Variants in GULP1 observed in about 807,000 individuals in gnomAD.
The protein encoded by GULP1 is GULP PTB domain containing engulfment adaptor 1.
Under a neutral mutation model 40.9 loss-of-function variants are expected in GULP1, and 19 were observed. The observed-to-expected ratio is 0.46, with a 90% CI of 0.32 to 0.68. The LOEUF (loss-of-function observed/expected upper bound fraction) is 0.68, where lower values mean the gene tolerates loss of function less well. Among genes scored for constraint, GULP1 ranks in the 30% least tolerant of loss-of-function variants. The probability of loss-of-function intolerance (pLI) is 0.03; values close to 1 mark genes in which losing one functional copy is unlikely to be tolerated. For missense variants in GULP1, 312 were observed against 362.2 expected, an observed-to-expected ratio of 0.86 and a Z score of 1.12; for synonymous variants, 119 against 117.6, an observed-to-expected ratio of 1.01 and a Z score of -0.08.
rs973338161 is a variant in GULP1 at position 188,299,100 on chromosome 2, G to A, written c.-172+6934G>A. On this transcript the variant is annotated intron_variant, in intron 1 of 11. Transcript: ENST00000409830. Reference sequence around the variant, plus strand: ...CAGCAGGGGTATGAGCTGGAGTGGCGGGGTGAGAAGCTTTGGTGGGAAGGA... The same window carrying A: ...CAGCAGGGGTATGAGCTGGAGTGGCAGGGTGAGAAGCTTTGGTGGGAAGGA... Among the ~76,000 whole-genome samples the A allele has an allele frequency of 3.9e-4, 60 of 152,146 alleles. 1 individual carries two copies. Among genetic ancestry groups the A allele is most frequent in the African/African-American group, 1.3e-3 (56 of 41,512 alleles).
intron 2 of GULP1, among the ~76,000 whole-genome samples, chr2:188,477,134 A>C (rs1327060838): frequency 1.3e-5 from 2 of 152,072 alleles, no homozygotes; most frequent in Non-Finnish European, 2.9e-5. Context: ...ATATCTTCTG[A>C]GCTCAATATG....
At chr2:188,371,992 A>G (rs1211774465) in intron 1 of GULP1, among the ~76,000 whole-genome samples, 1 of 83,978 alleles carries the variant, frequency 1.2e-5, no homozygotes, top group Non-Finnish European at 2.2e-5. Context: ...TTTAAGAGGT[A>G]GCTACATCAT....
chr2:188,390,988 A>G (rs1049138054), intron 2 of GULP1, among the ~76,000 whole-genome samples: 2 of 152,012 alleles, frequency 1.3e-5, no homozygotes, highest in African/African-American at 4.8e-5. Context: ...GTTTACTTTT[A>G]TGCCAGTACC....
intron 2 of GULP1, among the ~76,000 whole-genome samples, chr2:188,389,752 C>G (rs1180583815): frequency 3.9e-5 from 6 of 151,976 alleles, no homozygotes; most frequent in Non-Finnish European, 8.8e-5. Flanking sequence ...GTTTTTTATT[C>G]CTCACCCAGT....
intron 2 of GULP1, among the ~76,000 whole-genome samples, chr2:188,426,262 G>T (rs1015663438): frequency 2.0e-5 from 3 of 152,168 alleles, no homozygotes; most frequent in Non-Finnish European, 4.4e-5. Flanking sequence ...AGCAGAAAGA[G>T]ATGCTTGAGT....
chr2:188,497,220 T>C (rs2062984646), intron 4 of GULP1, among the ~76,000 whole-genome samples: 1 of 152,070 alleles, frequency 6.6e-6, no homozygotes, highest in African/African-American at 2.4e-5. Context: ...CATCTTTAGC[T>C]TGAACTTTTG....
intron 2 of GULP1, among the ~76,000 whole-genome samples, chr2:188,427,453 C>G (rs1383083566): frequency 6.6e-6 from 1 of 152,190 alleles, no homozygotes; most frequent in East Asian, 1.9e-4. Flanking sequence ...GCATGGGGAC[C>G]TAGGAGAACT....
intron 4 of GULP1, among the ~76,000 whole-genome samples, chr2:188,513,108 A>G (rs1460887680): frequency 6.6e-6 from 1 of 152,112 alleles, no homozygotes; most frequent in East Asian, 1.9e-4. Context: ...TTTATGTTGA[A>G]TATAAAATTA....
intron 1 of GULP1, among the ~76,000 whole-genome samples, chr2:188,352,692 A>G (rs1386362947): frequency 1.3e-5 from 2 of 150,566 alleles, no homozygotes; most frequent in Non-Finnish European, 3.0e-5. Context: ...ACAGTCATAC[A>G]GCTTATAATA....
chr2:188,438,148 A>G (rs1223509562), intron 2 of GULP1, among the ~76,000 whole-genome samples: 1 of 152,134 alleles, frequency 6.6e-6, no homozygotes, highest in Non-Finnish European at 1.5e-5. Flanking sequence ...ATATACTTCT[A>G]TTGTGGTTTG....
chr2:188,428,234 C>T (rs1167981274), intron 2 of GULP1, among the ~76,000 whole-genome samples: 2 of 152,138 alleles, frequency 1.3e-5, no homozygotes, highest in Admixed American at 6.5e-5. Flanking sequence ...TTACAGGCTC[C>T]TAGGCAGAAG....
chr2:188,488,999 T>C (rs1427958135), intron 4 of GULP1, among the ~76,000 whole-genome samples: 1 of 151,902 alleles, frequency 6.6e-6, no homozygotes, highest in Non-Finnish European at 1.5e-5. Flanking sequence ...AGACGGGTCT[T>C]AATATAAAAA....
chr2:188,318,722 A>G (rs2039511024), intron 1 of GULP1, among the ~76,000 whole-genome samples: 1 of 152,172 alleles, frequency 6.6e-6, no homozygotes, highest in South Asian at 2.1e-4. Context: ...CCCTTTTCCT[A>G]GAAATTTCTG....
intron 4 of GULP1, 118 bp from the exon 5 acceptor site, chr2:188,522,634 TTTAA>T (rs1335478109): frequency 7.6e-5 from 27 of 357,570 alleles, no homozygotes; most frequent in African/African-American, 4.3e-4. Flanking sequence ...AATAATTCTA[TTTAA>T]TTAACATATG....
chr2:188,572,601 C>T (rs954127241), intron 9 of GULP1, among the ~76,000 whole-genome samples: 3 of 152,180 alleles, frequency 2.0e-5, no homozygotes, highest in African/African-American at 7.2e-5. Context: ...TTGTTGTCTA[C>T]ACTTTTTCTT....
intron 1 of GULP1, among the ~76,000 whole-genome samples, chr2:188,309,619 G>C (rs753666355): frequency 6.6e-6 from 1 of 152,254 alleles, no homozygotes; most frequent in Non-Finnish European, 1.5e-5. Context: ...AGTAACTACG[G>C]ATCAGGGCTA....
chr2:188,570,150 G>T (rs771729850), intron 9 of GULP1, 30 bp downstream of exon 9: 12 of 879,988 alleles, frequency 1.4e-5, no homozygotes, highest in Non-Finnish European at 2.2e-5. Context: ...TTAGAAACAA[G>T]ATTTTATGGT....
intron 8 of GULP1, chr2:188,569,557 C>A: frequency 2.0e-6 from 1 of 507,494 alleles, no homozygotes; most frequent in Non-Finnish European, 3.5e-6. Flanking sequence ...ATTGAATTCC[C>A]ACAAGAACTT....
At chr2:188,580,685 T>G (rs886472604) in intron 9 of GULP1, among the ~76,000 whole-genome samples, 19 of 152,180 alleles carry the variant, frequency 1.2e-4, no homozygotes, top group Non-Finnish European at 2.6e-4. Flanking sequence ...CTTCCCTCAA[T>G]TTAATCTCTC....
Sources: allele counts gnomAD v4.1 joint callset (sites outside exome capture counted in the v4.1 genomes callset), GRCh38; gene constraint gnomAD v4.1.1; transcripts MANE v1.5; gene names NCBI Gene and HGNC (gene_info 2026-07-23, HGNC 2026-07-21).